The following DACH2 variants were observed in gnomAD, a reference collection of about 807,000 sequenced individuals.
DACH2 encodes dachshund homolog 2.
DACH2 carries 17 observed loss-of-function variants against 35.8 expected under a neutral mutation model. That is an observed-to-expected ratio of 0.48 (90% CI 0.33 to 0.71). DACH2 has a LOEUF of 0.71. Ranked by LOEUF, DACH2 falls within the 30% of genes least tolerant of loss-of-function variation. The probability of loss-of-function intolerance (pLI) is 0.02; values close to 1 mark genes in which losing one functional copy is unlikely to be tolerated. For synonymous variants in DACH2, 195 were observed against 177.3 expected (o/e 1.10, Z -0.79); for missense variants, 469 against 472.7 (o/e 0.99, Z 0.07).
At chrX:86,506,682 C>T (rs1358453374) in intron 2 of DACH2, among the ~76,000 whole-genome samples, 2 of 111,845 alleles carry the variant, frequency 1.8e-5, no homozygotes, top group Non-Finnish European at 3.8e-5. Flanking sequence ...GCATGAACCA[C>T]CACACCTGGC....
intron 1 of DACH2, among the ~76,000 whole-genome samples, chrX:86,210,944 C>T (rs1293669706): frequency 9.0e-6 from 1 of 111,451 alleles, no homozygotes; most frequent in African/African-American, 3.3e-5. Context: ...ATTTATCTGG[C>T]GTGCTGTAAT....
At chrX:86,725,910 A>T (rs2041464089) in intron 6 of DACH2, among the ~76,000 whole-genome samples, 1 of 111,454 alleles carries the variant, frequency 9.0e-6, no homozygotes, top group Non-Finnish European at 1.9e-5. Context: ...TGGCAGCACC[A>T]ATCAAATGCC....
At chrX:86,803,283 T>A (rs755656277) in intron 7 of DACH2, among the ~76,000 whole-genome samples, 124 of 111,828 alleles carry the variant, frequency 1.1e-3, no homozygotes, top group Admixed American at 1.8e-3. Flanking sequence ...TGCTTTAAAT[T>A]TTTTTGCTCA....
intron 7 of DACH2, among the ~76,000 whole-genome samples, chrX:86,751,950 T>G: frequency 8.9e-6 from 1 of 111,866 alleles, no homozygotes; most frequent in Non-Finnish European, 1.9e-5. Context: ...TGGATGGAGC[T>G]GGAGGCCAAT....
At chrX:86,323,382 T>C (rs2035052467) in intron 1 of DACH2, among the ~76,000 whole-genome samples, 1 of 111,606 alleles carries the variant, frequency 9.0e-6, no homozygotes, top group Non-Finnish European at 1.9e-5. Context: ...AGGAGTTAAA[T>C]AGTCTTTGAG....
intron 1 of DACH2, among the ~76,000 whole-genome samples, chrX:86,376,494 A>G (rs1245445429): frequency 9.0e-6 from 1 of 110,731 alleles, no homozygotes; most frequent in Non-Finnish European, 1.9e-5. Context: ...CTTCAACAGA[A>G]ATCTATAACC....
At chrX:86,401,496 T>A (rs912899482) in intron 2 of DACH2, among the ~76,000 whole-genome samples, 51 of 112,046 alleles carry the variant, frequency 4.6e-4, no homozygotes, top group Non-Finnish European at 8.5e-4. Context: ...AGACTGGAGC[T>A]GTTCCTATTT....
rs112371284 is a variant in DACH2 at position 86,588,566 on chromosome X, T to C, written c.641-62470T>C. On this transcript the variant is annotated intron_variant, in intron 3 of 11. Coordinates refer to ENST00000373125, the MANE Select transcript of DACH2 (RefSeq NM_053281.3). ...GCAGTTTTTAAACATTTTCTCCTCA[T>C]AGAGAAATTTCATCTCCTTGGTTAG... is the stretch of plus-strand genomic sequence containing the variant. 7.8e-3 allele frequency among the ~76,000 whole-genome samples: 875 copies of C among 111,882 alleles called. 10 individuals carry two copies. The highest frequency in any genetic ancestry group is 0.027 in the African/African-American group (844 of 30,880).
chrX:86,681,161 C>T (rs1446018805), intron 4 of DACH2, among the ~76,000 whole-genome samples: 2 of 111,513 alleles, frequency 1.8e-5, no homozygotes, highest in African/African-American at 6.5e-5. Context: ...ATTAACAAAA[C>T]TGCAACTTGA....
intron 1 of DACH2, among the ~76,000 whole-genome samples, chrX:86,249,928 A>C (rs2033365413): frequency 9.0e-6 from 1 of 111,581 alleles, no homozygotes. Flanking sequence ...GGAGGTTATC[A>C]TCCTAAGCAA....
intron 2 of DACH2, among the ~76,000 whole-genome samples, chrX:86,502,812 C>T (rs1302681395): frequency 2.7e-5 from 3 of 112,007 alleles, no homozygotes; most frequent in Admixed American, 9.5e-5. Flanking sequence ...GCCAGAACAG[C>T]TTCGAATGTG....
At chrX:86,561,897 G>A (rs12556093) in intron 3 of DACH2, among the ~76,000 whole-genome samples, 65 of 60,967 alleles carry the variant, frequency 1.1e-3, no homozygotes, top group African/African-American at 2.4e-3. Flanking sequence ...ACTTAAAGTA[G>A]AATTAAAAAA....
chrX:86,179,724 G>C (rs761463202), intron 1 of DACH2, among the ~76,000 whole-genome samples: 3 of 110,765 alleles, frequency 2.7e-5, no homozygotes, highest in Non-Finnish European at 5.7e-5. Context: ...ACCCAATGAA[G>C]GAGCTGGCTT....
chrX:86,315,207 C>T lies in DACH2; in HGVS notation c.489-61617C>T, dbSNP rs2034874872. Among the ~76,000 whole-genome samples the T allele has an allele frequency of 3.6e-5, 4 of 112,142 alleles. No individual in the cohort carries two copies. In the Admixed American group the frequency reaches 3.8e-4, roughly 11 times the overall value. On this transcript the variant is annotated intron_variant, in intron 1 of 11. Transcript: ENST00000373125. ...TAAAAAATATGCTAAATCTACTCTG[C>T]CTGTGCTATGCAAATGGCACAAAAC...
intron 2 of DACH2, among the ~76,000 whole-genome samples, chrX:86,473,899 G>C (rs2037799069): frequency 9.0e-6 from 1 of 111,403 alleles, no homozygotes; most frequent in Admixed American, 9.6e-5. Context: ...CAAGATTATG[G>C]AATACAGTAG....
At position 86,670,923 on chromosome X, in the gene DACH2, G is replaced by A. The variant is rs983970447; in HGVS notation, c.772+19756G>A. On this transcript the variant is annotated intron_variant, in intron 4 of 11. Coordinates refer to ENST00000373125, the MANE Select transcript of DACH2 (RefSeq NM_053281.3). ...AGTGAGGCTCTATTGTCTTTTCTGA[G>A]GAGTCGGTGCTACATAGCCATTTGG... Among the ~76,000 whole-genome samples, 58 of 111,882 alleles carry A rather than the reference G, an allele frequency of 5.2e-4. 1 individual carries two copies. The highest frequency in any genetic ancestry group is 2.2e-3 in the Admixed American group (23 of 10,535).
intron 2 of DACH2, among the ~76,000 whole-genome samples, chrX:86,384,684 AAATG>A (rs2036096559): frequency 8.9e-6 from 1 of 112,057 alleles, no homozygotes; most frequent in African/African-American, 3.2e-5. Context: ...GGCAAGTATA[AAATG>A]AATCAGCAAT....
intron 7 of DACH2, among the ~76,000 whole-genome samples, chrX:86,809,168 T>C (rs781152124): frequency 5.4e-5 from 6 of 111,910 alleles, no homozygotes; most frequent in African/African-American, 1.9e-4. Context: ...CTCCTATTCT[T>C]ACTTTGTAGT....
At chrX:86,296,358 G>A (rs1311616531) in intron 1 of DACH2, among the ~76,000 whole-genome samples, 18 of 89,723 alleles carry the variant, frequency 2.0e-4, no homozygotes, top group Admixed American at 5.4e-4. Context: ...TCCTGCCTGG[G>A]CCACAGAGCG....
Sources: allele counts gnomAD v4.1 joint callset (sites outside exome capture counted in the v4.1 genomes callset), GRCh38; gene constraint gnomAD v4.1.1; transcripts MANE v1.5; gene names NCBI Gene and HGNC (gene_info 2026-07-23, HGNC 2026-07-21).